The following PDE8B variants were observed in gnomAD, a reference collection of about 807,000 sequenced individuals.
PDE8B encodes high affinity cAMP-specific and IBMX-insensitive 3',5'-cyclic phosphodiesterase 8B.
In PDE8B, 26 loss-of-function variants were observed where a neutral mutation model predicts 101.3. The ratio of observed to expected loss-of-function variants is 0.26; its 90% confidence interval spans 0.19 to 0.36. The LOEUF is 0.36. Among genes scored for constraint, PDE8B ranks in the 10% least tolerant of loss-of-function variants. PDE8B has a pLI of 1.00. For synonymous variants in PDE8B, 424 were observed against 429.3 expected, an observed-to-expected ratio of 0.99 and a Z score of 0.15; for missense variants, 810 against 1,163.1, an observed-to-expected ratio of 0.70 and a Z score of 4.42.
At chr5:77,093,511 G>A in the PDE8B span, among the ~76,000 whole-genome samples, 1 of 152,120 alleles carries the variant, frequency 6.6e-6, no homozygotes, top group East Asian at 1.9e-4. Flanking sequence ...GCTGATCTGA[G>A]CACAGTGGTT....
At chr5:77,286,260 T>C (rs1027403678) in intron 1 of PDE8B, among the ~76,000 whole-genome samples, 5 of 152,314 alleles carry the variant, frequency 3.3e-5, no homozygotes, top group Middle Eastern at 3.4e-3. Flanking sequence ...AAATTTTTAG[T>C]TGGACTCCTT....
chr5:77,397,039 T>TTTTTTTTTTTG, intron 10 of PDE8B, among the ~76,000 whole-genome samples: 1 of 137,770 alleles, frequency 7.3e-6, no homozygotes, highest in Non-Finnish European at 1.5e-5. Flanking sequence ...TTTTTTTTTT[T>TTTTTTTTTTTG]TTTTTTTTTT....
intron 1 of PDE8B, chr5:77,290,982 G>A (rs1767190454): frequency 6.2e-7 from 1 of 1,611,994 alleles, no homozygotes; most frequent in Admixed American, 1.7e-5. Context: ...AGATGAACGA[G>A]TGAACCTGCT....
intron 1 of PDE8B, among the ~76,000 whole-genome samples, chr5:77,251,532 TG>T (rs1758056177): frequency 6.6e-6 from 1 of 152,232 alleles, no homozygotes; most frequent in African/African-American, 2.4e-5. Flanking sequence ...TGGGAATTGT[TG>T]GTTCTCCTGA....
At chr5:77,354,408 C>T (rs1394410988) in intron 10 of PDE8B, among the ~76,000 whole-genome samples, 1 of 152,094 alleles carries the variant, frequency 6.6e-6, no homozygotes, top group Non-Finnish European at 1.5e-5. Context: ...TCACATAATA[C>T]CATGAAGTCA....
chr5:77,094,024 A>G, the PDE8B span, among the ~76,000 whole-genome samples: 1 of 152,018 alleles, frequency 6.6e-6, no homozygotes, highest in East Asian at 1.9e-4. Context: ...ATTCTTCCAT[A>G]GTCCTGGAGG....
chr5:77,095,422 A>AT, the PDE8B span, among the ~76,000 whole-genome samples: 1 of 152,136 alleles, frequency 6.6e-6, no homozygotes, highest in African/African-American at 2.4e-5. Flanking sequence ...CTCCTGTTCC[A>AT]ATTCTTCAAA....
intron 1 of PDE8B, chr5:77,290,176 A>C: frequency 6.8e-7 from 1 of 1,461,726 alleles, no homozygotes; most frequent in Non-Finnish European, 9.4e-7. Flanking sequence ...TTACATTAAA[A>C]ACCATTGATG....
intron 5 of PDE8B, among the ~76,000 whole-genome samples, chr5:77,335,284 G>A (rs1000815008): frequency 1.3e-5 from 2 of 152,096 alleles, no homozygotes; most frequent in Non-Finnish European, 2.9e-5. Flanking sequence ...AACTCCCTGA[G>A]TTCTGTTATA....
intron 16 of PDE8B, among the ~76,000 whole-genome samples, chr5:77,412,566 T>TC (rs1794773591): frequency 6.6e-6 from 1 of 152,060 alleles, no homozygotes; most frequent in Non-Finnish European, 1.5e-5. Context: ...TTTTTTTTTT[T>TC]TCTGATCCAT....
At chr5:77,405,403 G>A (rs953252301) in intron 12 of PDE8B, among the ~76,000 whole-genome samples, 3 of 152,152 alleles carry the variant, frequency 2.0e-5, no homozygotes, top group Non-Finnish European at 2.9e-5. Context: ...AAATGGAAAC[G>A]TCTCCAGGTT....
chr5:77,177,219 G>A, the PDE8B span, among the ~76,000 whole-genome samples: 1 of 152,180 alleles, frequency 6.6e-6, no homozygotes, highest in Non-Finnish European at 1.5e-5. Flanking sequence ...GTTTAAACAT[G>A]AGGCATCCAA....
rs1362178606 is a variant in PDE8B at position 77,418,465 on chromosome 5, C to T, written c.2129+19C>T. The T allele has an allele frequency of 6.4e-7, 1 of 1,570,614 alleles. No individual in the cohort carries two copies. Among genetic ancestry groups the T allele is most frequent in the Admixed American group, 1.7e-5 (1 of 58,876 alleles). ...TTGACAGGTTTGTTGTGCTGGGGCT[C>T]CTGTGCTCAAGTTTGTGAAGTTTAA... On this transcript the variant is annotated intron_variant, in intron 18 of 21. Transcript: ENST00000264917.
At chr5:77,322,573 G>C (rs1383103274) in intron 2 of PDE8B, among the ~76,000 whole-genome samples, 1 of 152,110 alleles carries the variant, frequency 6.6e-6, no homozygotes, top group Admixed American at 6.5e-5. Context: ...GAACACACCA[G>C]GGGCTCATAG....
the PDE8B span, among the ~76,000 whole-genome samples, chr5:77,099,969 G>A: frequency 6.6e-6 from 1 of 152,162 alleles, no homozygotes; most frequent in Non-Finnish European, 1.5e-5. Flanking sequence ...AGAAAGAAAT[G>A]GCTCTTTTCC....
At chr5:77,204,604 A>G in the PDE8B span, among the ~76,000 whole-genome samples, 2 of 152,080 alleles carry the variant, frequency 1.3e-5, no homozygotes, top group South Asian at 2.1e-4. Context: ...TTCTTCTTCC[A>G]GTGTTATCAT....
At chr5:77,366,373 A>G (rs1022183843) in intron 10 of PDE8B, among the ~76,000 whole-genome samples, 1 of 152,186 alleles carries the variant, frequency 6.6e-6, no homozygotes, top group African/African-American at 2.4e-5. Flanking sequence ...ACAGAAGCAC[A>G]GTGTTCTGGG....
chr5:77,378,048 A>C (rs1392750369), intron 10 of PDE8B, among the ~76,000 whole-genome samples: 17 of 93,952 alleles, frequency 1.8e-4, no homozygotes, highest in South Asian at 6.9e-4. Context: ...ACACACACAC[A>C]CCCCCTGTTG....
intron 1 of PDE8B, among the ~76,000 whole-genome samples, chr5:77,218,109 G>A (rs1750205870): frequency 6.6e-6 from 1 of 152,140 alleles, no homozygotes; most frequent in Admixed American, 6.6e-5. Flanking sequence ...TAAAAATCAA[G>A]GAACTATTTT....
Sources: allele counts gnomAD v4.1 joint callset (sites outside exome capture counted in the v4.1 genomes callset), GRCh38; gene constraint gnomAD v4.1.1; transcripts MANE v1.5; gene names NCBI Gene and HGNC (gene_info 2026-07-23, HGNC 2026-07-21).